Variants in ZEB1 observed in about 807,000 individuals in gnomAD.
ZEB1 encodes zinc finger E-box binding homeobox 1, also known as zinc finger E-box-binding homeobox 1.
ZEB1 carries 21 observed loss-of-function variants against 84.9 expected under a neutral mutation model. That is an observed-to-expected ratio of 0.25 (90% CI 0.18 to 0.36). The LOEUF (loss-of-function observed/expected upper bound fraction) is 0.36, where lower values mean the gene tolerates loss of function less well. ZEB1 is among the 10% of genes least tolerant of loss of function. The pLI, the probability that ZEB1 is intolerant of heterozygous loss-of-function variation, is 1.00. For missense variants in ZEB1, 1,104 were observed against 1,330.2 expected, an observed-to-expected ratio of 0.83 and a Z score of 2.65; for synonymous variants, 420 against 471.1, an observed-to-expected ratio of 0.89 and a Z score of 1.41.
At chr10:31,501,145 T>G (rs981976867) in intron 3 of ZEB1, among the ~76,000 whole-genome samples, 2 of 151,924 alleles carry the variant, frequency 1.3e-5, no homozygotes, top group African/African-American at 4.8e-5. Flanking sequence ...TGCTGGGGAG[T>G]GCTGTTTTAC....
At position 31,330,386 on chromosome 10, in the gene ZEB1, CTTGACACATT is replaced by C. The variant is rs143868136; in HGVS notation, c.58+11097_58+11106del. On this transcript the variant is annotated intron_variant, in intron 1 of 8. Coordinates refer to ENST00000424869, the MANE Select transcript of ZEB1 (RefSeq NM_001174096.2). ...TGGGGTTTTCAAGGTTCTTCATGTC[CTTGACACATT>C]TTAATTCACTGAAATATACTTTATT... is the stretch of plus-strand genomic sequence containing the variant. 5.6e-3 allele frequency among the ~76,000 whole-genome samples: 845 copies of C among 152,228 alleles called. 13 individuals are homozygous for C. The highest frequency in any genetic ancestry group is 0.019 in the African/African-American group (810 of 41,544).
intron 3 of ZEB1, 43 bp from the exon 4 acceptor site, chr10:31,502,300 ATAACT>A (rs747694273): frequency 1.1e-5 from 17 of 1,590,218 alleles, no homozygotes; most frequent in Admixed American, 1.7e-5. Context: ...AACCTTTGTA[ATAACT>A]TAGTGGTGAG....
At chr10:31,449,796 G>A (rs1337461074) in intron 1 of ZEB1, among the ~76,000 whole-genome samples, 2 of 151,928 alleles carry the variant, frequency 1.3e-5, no homozygotes, top group East Asian at 3.9e-4. Flanking sequence ...TAATGTGTTT[G>A]TTTTCTCAGA....
At chr10:31,368,552 T>C (rs970566008) in intron 1 of ZEB1, among the ~76,000 whole-genome samples, 3 of 152,146 alleles carry the variant, frequency 2.0e-5, no homozygotes, top group Admixed American at 1.3e-4. Context: ...TTTTTATTTG[T>C]ATTATTTTTT....
At chr10:31,348,902 T>G (rs2040812555) in intron 1 of ZEB1, among the ~76,000 whole-genome samples, 1 of 152,248 alleles carries the variant, frequency 6.6e-6, no homozygotes, top group Non-Finnish European at 1.5e-5. Context: ...TCAAGCTAAT[T>G]AACATATGCA....
At chr10:31,522,367 T>G (rs2072594331) in intron 7 of ZEB1, among the ~76,000 whole-genome samples, 1 of 152,226 alleles carries the variant, frequency 6.6e-6, no homozygotes, top group Non-Finnish European at 1.5e-5. Context: ...ATCTATCACT[T>G]TTATATACTA....
At chr10:31,351,394 A>G (rs1047290256) in intron 1 of ZEB1, among the ~76,000 whole-genome samples, 2 of 152,060 alleles carry the variant, frequency 1.3e-5, no homozygotes, top group Admixed American at 6.5e-5. Context: ...ACTAGACTAA[A>G]TAACTTTTCA....
intron 1 of ZEB1, among the ~76,000 whole-genome samples, chr10:31,331,241 C>G (rs1451050507): frequency 6.6e-6 from 1 of 151,744 alleles, no homozygotes; most frequent in Non-Finnish European, 1.5e-5. Context: ...CGCGTGCCAC[C>G]ATGCCCGACT....
rs1592086726 is a variant in ZEB1 at position 31,520,715 on chromosome 10, C to T, written c.1383C>T (p.Ile461=). The change falls in exon 7 of 9, where the codon ATC becomes ATT. Residue 461 remains isoleucine (I), a synonymous_variant. Transcript: ENST00000424869. This position sits in a 1 kb window ranked among gnomAD's most constrained non-coding sequence, Gnocchi z 5.1. ...QQGGHSVISA[I]SLPLVDQDGT... The stretch of plus-strand genomic sequence containing the variant: ...GTGGCCATTCTGTTATTTCAGCCAT[C>T]AGTCTTCCTTTGGTTGATCAAGATG... The T allele has an allele frequency of 6.2e-7, 1 of 1,614,098 alleles. No individual in the cohort carries two copies. Among genetic ancestry groups the T allele is most frequent in the South Asian group, 1.1e-5 (1 of 91,084 alleles).
chr10:31,353,109 C>G (rs1357291230), intron 1 of ZEB1, among the ~76,000 whole-genome samples: 1 of 152,198 alleles, frequency 6.6e-6, no homozygotes, highest in Non-Finnish European at 1.5e-5. Flanking sequence ...GTCTTCTCAT[C>G]TGTATGACAG....
At chr10:31,333,890 T>C (rs2037371672) in intron 1 of ZEB1, among the ~76,000 whole-genome samples, 2 of 151,998 alleles carry the variant, frequency 1.3e-5, no homozygotes, top group African/African-American at 4.8e-5. Flanking sequence ...TACTAACCAA[T>C]AGAAATGTTG....
At chr10:31,387,922 TGAA>T (rs2048924269) in intron 1 of ZEB1, 1 of 218,488 alleles carries the variant, frequency 4.6e-6, no homozygotes, top group Non-Finnish European at 7.8e-6. Context: ...CTTCAGGAAA[TGAA>T]GAATAAATAT....
Position 31,386,329 on chromosome 10 carries a change from A to G in ZEB1, c.58+67037A>G, listed in dbSNP as rs147765909. 9.9e-4 allele frequency among the ~76,000 whole-genome samples: 150 copies of G among 151,852 alleles called. No homozygotes were observed. The East Asian group carries it at 0.02, about 21-fold the overall frequency. ...ATATTTTAGGATATGGCATCTTAAA[A>G]TATTGTATTCCTAACAGTTATTTAA... On this transcript the variant is annotated intron_variant, in intron 1 of 8. Transcript: ENST00000424869.
At chr10:31,392,791 A>G (rs2135278262) in intron 1 of ZEB1, among the ~76,000 whole-genome samples, 1 of 151,332 alleles carries the variant, frequency 6.6e-6, no homozygotes, top group Admixed American at 6.6e-5. Context: ...AATGTAAAAT[A>G]TATTAATATA....
chr10:31,363,949 C>CCAGCTGGGAAGGCCTCACGGA lies in ZEB1; in HGVS notation c.58+44660_58+44680dup, dbSNP rs1217780605. On this transcript the variant is annotated intron_variant, in intron 1 of 8. Coordinates refer to ENST00000424869, the MANE Select transcript of ZEB1 (RefSeq NM_001174096.2). ...TGCAGGAGCTGCAGGGTGAGCCCGG[C>CCAGCTGGGAAGGCCTCACGGA]CAGCTGGGAAGGCCTCACGGACAAG... 2.5e-5 allele frequency: 32 copies of CCAGCTGGGAAGGCCTCACGGA among 1,296,666 alleles called. No individual in the cohort carries two copies. In the East Asian group the frequency reaches 1.1e-3, roughly 43 times the overall value. 80.3% of individuals were successfully genotyped at this position (1,296,666 alleles called of 1,614,324 possible). A position where few individuals can be genotyped will look rare whatever the true frequency, so the allele number is the denominator to read the frequency against.
At chr10:31,351,362 G>GT (rs1193044811) in intron 1 of ZEB1, among the ~76,000 whole-genome samples, 4 of 152,022 alleles carry the variant, frequency 2.6e-5, no homozygotes, top group South Asian at 2.1e-4. Flanking sequence ...ATTTTTTCTA[G>GT]TTTTTTCAGA....
intron 1 of ZEB1, among the ~76,000 whole-genome samples, chr10:31,443,544 C>G (rs932748234): frequency 8.9e-5 from 13 of 145,350 alleles, no homozygotes; most frequent in Admixed American, 2.0e-4. Context: ...GTATATCTCC[C>G]AATGCTATCC....
intron 1 of ZEB1, among the ~76,000 whole-genome samples, chr10:31,325,473 C>G (rs543983901): frequency 1.3e-5 from 2 of 152,004 alleles, no homozygotes; most frequent in Non-Finnish European, 2.9e-5. Context: ...ATTTCTCCTC[C>G]TAATCAACAT....
intron 1 of ZEB1, among the ~76,000 whole-genome samples, chr10:31,367,923 A>G (rs1344054544): frequency 1.3e-5 from 2 of 152,066 alleles, no homozygotes; most frequent in African/African-American, 2.4e-5. Flanking sequence ...TCTAAAATAC[A>G]TGATTTTAGG....
Sources: allele counts gnomAD v4.1 joint callset (sites outside exome capture counted in the v4.1 genomes callset), GRCh38; gene constraint gnomAD v4.1.1; non-coding constraint Gnocchi (gnomAD v3.1); transcripts MANE v1.5; gene names NCBI Gene and HGNC (gene_info 2026-07-23, HGNC 2026-07-21).